KLB: variants seen among roughly 807,000 people sequenced by gnomAD.
KLB encodes klotho beta, also known as beta-klotho.
KLB carries 44 observed loss-of-function variants against 88.4 expected under a neutral mutation model. The ratio of observed to expected loss-of-function variants is 0.50; its 90% confidence interval spans 0.39 to 0.64. The LOEUF (loss-of-function observed/expected upper bound fraction) is 0.64. Among genes scored for constraint, KLB ranks in the 30% least tolerant of loss-of-function variants. The probability of loss-of-function intolerance (pLI) is 0.00; values close to 1 mark genes in which losing one functional copy is unlikely to be tolerated. For synonymous variants in KLB, 548 were observed against 513.4 expected, an observed-to-expected ratio of 1.07 and a Z score of -0.91; for missense variants, 1,137 against 1,304.8, an observed-to-expected ratio of 0.87 and a Z score of 1.98.
chr4:39,407,246 T>C lies in KLB; in HGVS notation c.297T>C (p.Ser99=), dbSNP rs1291708457. The C allele has an allele frequency of 1.9e-6, 3 of 1,613,796 alleles. No homozygotes were observed. The highest frequency in any genetic ancestry group is 2.5e-6 in the Non-Finnish European group (3 of 1,179,986). Residue 99 remains serine (S), a synonymous_variant, in exon 1 of 5, where the codon AGT becomes AGC. Coordinates refer to ENST00000257408, the MANE Select transcript of KLB (RefSeq NM_175737.4). ...CTGGAGCATTGCAAGTGGAAGGGAG[T>C]TGGAAGAAGGATGGAAAAGGACCTT... is the stretch of plus-strand genomic sequence containing the variant. ...IGTGALQVEG[S]WKKDGKGPSI...
chr4:39,412,322 T>C (rs1433651869), intron 1 of KLB, among the ~76,000 whole-genome samples: 1 of 152,168 alleles, frequency 6.6e-6, no homozygotes, highest in Admixed American at 6.6e-5. Context: ...GCCAGGTAAC[T>C]ATTATCCTCA....
chr4:39,449,224 A>G lies in KLB; in HGVS notation c.*538A>G, dbSNP rs2608826. Reference sequence around the variant, plus strand: ...GCACCTGTAATCCCAGCTACTTGGGAGGCTGAGGCAGAAGTTTGAACCCAG... The same window carrying G: ...GCACCTGTAATCCCAGCTACTTGGGGGGCTGAGGCAGAAGTTTGAACCCAG... On this transcript the variant is annotated 3_prime_UTR_variant, in exon 5 of 5. Coordinates refer to ENST00000257408, the MANE Select transcript of KLB (RefSeq NM_175737.4). 0.16 allele frequency: 24,179 copies of G among 151,300 alleles called. 2,246 individuals are homozygous for G. Among genetic ancestry groups the G allele is most frequent in the Middle Eastern group, 0.24 (71 of 296 alleles). 9.4% of individuals were successfully genotyped at this position (151,300 alleles called of 1,614,324 possible). A position where few individuals can be genotyped will look rare whatever the true frequency, so the allele number is the denominator to read the frequency against.
At chr4:39,445,691 T>G (rs988568130) in intron 3 of KLB, among the ~76,000 whole-genome samples, 23 of 150,736 alleles carry the variant, frequency 1.5e-4, no homozygotes, top group East Asian at 3.9e-4. Context: ...TTTGTTTTTT[T>G]TTTTTTTTTT....
Position 39,437,828 on chromosome 4 carries a change from T to C in KLB, c.1438T>C (p.Tyr480His), listed in dbSNP as rs1743512930. 1.9e-6 allele frequency: 3 copies of C among 1,614,084 alleles called. No homozygotes were observed. The South Asian group carries it at 3.3e-5, about 18-fold the overall frequency. The change falls in exon 3 of 5, where the codon TAT becomes CAT. Residue 480 changes from tyrosine to histidine, a missense_variant. Tyr to His is a moderately conservative substitution (Grantham distance 83, BLOSUM62 2). This residue lies in a region of KLB where 597 missense variants were observed against 765.2 expected (regional missense o/e 0.78). Coordinates refer to ENST00000257408, the MANE Select transcript of KLB (RefSeq NM_175737.4). ...TTACACCATCCGCCGAGGATTATTT[T>C]ATGTGGATTTTAACAGTAAACAGAA... ...DAYTIRRGLF[Y>H]VDFNSKQKER...
chr4:39,440,553 T>A (rs1743576572), intron 3 of KLB, among the ~76,000 whole-genome samples: 1 of 152,200 alleles, frequency 6.6e-6, no homozygotes, highest in Non-Finnish European at 1.5e-5. Context: ...AGGTTATGAA[T>A]CTCAACCCCT....
intron 1 of KLB, among the ~76,000 whole-genome samples, chr4:39,419,912 C>A (rs1208029993): frequency 7.4e-6 from 1 of 134,698 alleles, no homozygotes; most frequent in African/African-American, 3.0e-5. Context: ...CCACTGCACT[C>A]CAGTCTGGGC....
chr4:39,444,867 C>CAGTGAT (rs1249901775), intron 3 of KLB, among the ~76,000 whole-genome samples: 4 of 151,962 alleles, frequency 2.6e-5, no homozygotes, highest in Non-Finnish European at 5.9e-5. Flanking sequence ...GGCAAACGGG[C>CAGTGAT]AGTGATATGG....
intron 2 of KLB, among the ~76,000 whole-genome samples, chr4:39,437,160 T>A (rs966198648): frequency 4.6e-5 from 7 of 152,206 alleles, no homozygotes; most frequent in Admixed American, 3.9e-4. Context: ...AATAGCATGC[T>A]CCCTGGAGCA....
intron 2 of KLB, among the ~76,000 whole-genome samples, chr4:39,436,155 C>T (rs1743467632): frequency 1.3e-5 from 2 of 152,170 alleles, no homozygotes; most frequent in African/African-American, 4.8e-5. Context: ...TGGAGTTGGG[C>T]TCTATTTCAC....
intron 2 of KLB, among the ~76,000 whole-genome samples, chr4:39,436,617 T>C (rs1005561336): frequency 6.6e-6 from 1 of 152,186 alleles, no homozygotes; most frequent in Non-Finnish European, 1.5e-5. Context: ...GGCATTTCTA[T>C]GAGAGAAGTG....
intron 1 of KLB, among the ~76,000 whole-genome samples, chr4:39,422,199 C>T (rs893351118): frequency 7.9e-5 from 12 of 152,050 alleles, no homozygotes; most frequent in Non-Finnish European, 1.3e-4. Context: ...TTAATTTGCA[C>T]GATATCCTGG....
rs1455183656 is a variant in KLB, at chr4:39,449,537, T to TTG, written c.*852_*853insGT. 9.6e-6 allele frequency: 1 copy of TTG among 104,028 alleles called. No homozygotes were observed. The highest frequency in any genetic ancestry group is 4.7e-5 in the African/African-American group (1 of 21,128). The allele number at this position is 104,028 out of a possible 1,614,324, so 6.4% of individuals were successfully genotyped here. On this transcript the variant is annotated 3_prime_UTR_variant, in exon 5 of 5. Coordinates refer to ENST00000257408, the MANE Select transcript of KLB (RefSeq NM_175737.4). Reference sequence around the variant, plus strand: ...TCTAAGCCAGTTACAACACAGACTCTTAAAGAGGATCAAGCCCTTCATTTT... The same window carrying TTG: ...TCTAAGCCAGTTACAACACAGACTCTTGTAAAGAGGATCAAGCCCTTCATTTT...
intron 1 of KLB, among the ~76,000 whole-genome samples, chr4:39,418,620 G>A (rs572361601): frequency 1.3e-4 from 19 of 151,570 alleles, no homozygotes; most frequent in Admixed American, 8.5e-4. Context: ...TCTCCATCAC[G>A]ATCTAAGACA....
intron 3 of KLB, among the ~76,000 whole-genome samples, chr4:39,438,295 A>G (rs759551503): frequency 1.3e-5 from 2 of 152,188 alleles, no homozygotes; most frequent in African/African-American, 2.4e-5. Context: ...TTGTTATAAT[A>G]GTAATGTCAA....
chr4:39,448,541 T>C lies in KLB; in HGVS notation c.2990T>C (p.Leu997Pro). Residue 997 changes from leucine to proline, a missense_variant, in exon 5 of 5, where the codon CTG (leucine) becomes CCG (proline). Coordinates refer to ENST00000257408, the MANE Select transcript of KLB (RefSeq NM_175737.4). ...TTATTCCTTGTGCAGAAGAAACCAC[T>C]GATATTCCTGGGTTGTTGCTTCTTC... ...VCLFLVQKKPLIFLGCCFFST... is the reference protein window; with the variant it reads ...VCLFLVQKKPPIFLGCCFFST... The C allele has an allele frequency of 6.2e-7, 1 of 1,614,232 alleles. No individual in the cohort carries two copies. The highest frequency in any genetic ancestry group is 8.5e-7 in the Non-Finnish European group (1 of 1,180,040).
At chr4:39,442,435 C>CTT (rs772744557) in intron 3 of KLB, among the ~76,000 whole-genome samples, 1,664 of 138,464 alleles carry the variant, frequency 0.012, 35 homozygotes, top group African/African-American at 0.043. Flanking sequence ...CCTCTCTCCC[C>CTT]TTTTTTTTTT....
At chr4:39,417,929 C>G (rs928504936) in intron 1 of KLB, among the ~76,000 whole-genome samples, 1 of 152,118 alleles carries the variant, frequency 6.6e-6, no homozygotes, top group Non-Finnish European at 1.5e-5. Context: ...CTGTGTCAAT[C>G]CAAGCTAGCA....
intron 3 of KLB, among the ~76,000 whole-genome samples, chr4:39,443,171 G>T (rs1743651649): frequency 6.6e-6 from 1 of 152,044 alleles, no homozygotes; most frequent in Non-Finnish European, 1.5e-5. Flanking sequence ...ATGTCAATTT[G>T]TTTCATTACT....
intron 1 of KLB, among the ~76,000 whole-genome samples, chr4:39,425,726 G>A (rs1743192228): frequency 6.6e-6 from 1 of 152,172 alleles, no homozygotes; most frequent in Non-Finnish European, 1.5e-5. Context: ...ATAGGCATGA[G>A]CCACCACATC....
Sources: allele counts gnomAD v4.1 joint callset (sites outside exome capture counted in the v4.1 genomes callset), GRCh38; gene constraint gnomAD v4.1.1; regional missense constraint gnomAD v4.1.1; transcripts MANE v1.5; gene names NCBI Gene and HGNC (gene_info 2026-07-23, HGNC 2026-07-21).